Variants in NOTCH1 observed in about 807,000 individuals in gnomAD.
NOTCH1 encodes neurogenic locus notch homolog protein 1.
A neutral mutation model predicts 254.8 loss-of-function variants in NOTCH1; 37 were observed. The ratio of observed to expected loss-of-function variants is 0.15; its 90% CI spans 0.11 to 0.19. The LOEUF (loss-of-function observed/expected upper bound fraction) is 0.19. Among genes scored for constraint, NOTCH1 ranks in the 10% least tolerant of loss-of-function variants. The probability of loss-of-function intolerance (pLI) is 1.00; values close to 1 mark genes in which losing one functional copy is unlikely to be tolerated. For missense variants in NOTCH1, 2,972 were observed against 3,708.6 expected, an observed-to-expected ratio of 0.80 and a Z score of 5.16; for synonymous variants, 1,731 against 1,618.1, an observed-to-expected ratio of 1.07 and a Z score of -1.68.
intron 4 of NOTCH1, among the ~76,000 whole-genome samples, chr9:136,522,366 A>G (rs1302394806): frequency 4.6e-5 from 7 of 152,168 alleles, no homozygotes; most frequent in Non-Finnish European, 1.0e-4. Context: ...GCTCCTACGT[A>G]CAACACGGGG....
intron 2 of NOTCH1, among the ~76,000 whole-genome samples, chr9:136,530,315 C>T (rs1455931674): frequency 2.6e-5 from 4 of 152,252 alleles, no homozygotes; most frequent in African/African-American, 9.6e-5. Flanking sequence ...GCAGGAAGGC[C>T]AGGTTTCCTC....
intron 2 of NOTCH1, among the ~76,000 whole-genome samples, chr9:136,527,930 T>C (rs1843494022): frequency 6.6e-6 from 1 of 152,108 alleles, no homozygotes; most frequent in Non-Finnish European, 1.5e-5. Context: ...GTATTTCCAC[T>C]GTGCCACTCC....
At chr9:136,516,795 A>G (rs1055413705) in intron 9 of NOTCH1, among the ~76,000 whole-genome samples, 3 of 152,130 alleles carry the variant, frequency 2.0e-5, no homozygotes, top group African/African-American at 7.2e-5. Flanking sequence ...CCCCTGGGCA[A>G]GCTCCCACTC....
In NOTCH1 at chr9:136,524,070, G is replaced by A. The variant is rs566495577; in HGVS notation, c.141-91C>T. 2.0e-5 allele frequency: 30 copies of A among 1,490,086 alleles called. No individual in the cohort carries two copies. In the East Asian group the frequency reaches 4.7e-4, roughly 23 times the overall value. The allele number at this position is 1,490,086 out of a possible 1,614,324, so 92.3% of individuals were successfully genotyped here. On this transcript the variant is annotated intron_variant, in intron 2 of 33. Coordinates refer to ENST00000651671, the MANE Select transcript of NOTCH1 (RefSeq NM_017617.5). Reference sequence around the variant, plus strand: ...CCGGGAACCTGTCATGGGCACAGCCGCCTCCCCCCACACCCCGGGCACGGG... The same window carrying A: ...CCGGGAACCTGTCATGGGCACAGCCACCTCCCCCCACACCCCGGGCACGGG...
chr9:136,542,544 CA>C (rs1174860714), intron 2 of NOTCH1, among the ~76,000 whole-genome samples: 1,767 of 52,528 alleles, frequency 0.034, 16 homozygotes, highest in South Asian at 0.045. Flanking sequence ...CCCCAAAAAG[CA>C]AAAAAAAAAA....
rs587777960 is a variant in NOTCH1, at chr9:136,503,074, G to A, written c.5167+108C>T. 1.9e-5 allele frequency: 29 copies of A among 1,506,882 alleles called. No homozygotes were observed. The highest frequency in any genetic ancestry group is 3.4e-5 in the South Asian group (3 of 88,408). 93.3% of individuals were successfully genotyped at this position (1,506,882 alleles called of 1,614,324 possible). A position where few individuals can be genotyped will look rare whatever the true frequency, so the allele number is the denominator to read the frequency against. ...GCCCTACCCCAACTCGGACGGCAAC[G>A]CTCACACCCGTGGGTAGCAACTGGC... is the stretch of plus-strand genomic sequence containing the variant. On this transcript the variant is annotated intron_variant, in intron 27 of 33. Transcript: ENST00000651671.
chr9:136,526,697 G>C (rs904454954), intron 2 of NOTCH1, among the ~76,000 whole-genome samples: 3 of 152,216 alleles, frequency 2.0e-5, no homozygotes, highest in Admixed American at 2.0e-4. Context: ...CCCTGAGCGC[G>C]GACCCCAACG....
At chr9:136,541,530 C>T (rs1347729743) in intron 2 of NOTCH1, among the ~76,000 whole-genome samples, 1 of 152,216 alleles carries the variant, frequency 6.6e-6, no homozygotes, top group East Asian at 1.9e-4. Flanking sequence ...CAGACTCTTT[C>T]GAGAAACAGT....
In NOTCH1 at chr9:136,505,360, G is replaced by A. The variant is rs61751540; in HGVS notation, c.4536C>T (p.Ala1512=). ...DGHCDSQCNS[A]GCLFDGFDCQ... Reference sequence around the variant, plus strand: ...AGTCAAAGCCGTCGAAGAGGCAGCCGGCTGAGTTGCACTGGCTGTCACAGT... The same window carrying A: ...AGTCAAAGCCGTCGAAGAGGCAGCCAGCTGAGTTGCACTGGCTGTCACAGT... Residue 1512 remains alanine (A), a synonymous_variant, in exon 25 of 34, where the codon GCC becomes GCT. Coordinates refer to ENST00000651671, the MANE Select transcript of NOTCH1 (RefSeq NM_017617.5). 2,247 of 1,607,850 alleles carry A rather than the reference G, an allele frequency of 1.4e-3. 10 individuals carry two copies. The highest frequency in any genetic ancestry group is 9.4e-3 in the African/African-American group (704 of 74,980).
intron 4 of NOTCH1, 186 bp downstream of exon 4, chr9:136,522,664 C>A (rs778870697): frequency 3.3e-6 from 2 of 613,774 alleles, no homozygotes; most frequent in East Asian, 2.9e-5. Context: ...CTCCTCCCAG[C>A]GCACACCCCG....
chr9:136,513,555 C>T lies in NOTCH1; in HGVS notation c.2208-18G>A. On this transcript the variant is annotated intron_variant, in intron 13 of 33. Transcript: ENST00000651671. This position sits in a 1 kb window ranked among gnomAD's most constrained non-coding sequence, Gnocchi z 4.7. ...ACTTGTACCTGCAAGGGGGACCACA[C>T]TGCAGGTCGAGGGAGGCCCGAGCAG... 1 of 1,612,700 alleles carries T rather than the reference C, an allele frequency of 6.2e-7. No individual in the cohort carries two copies. Among genetic ancestry groups the T allele is most frequent in the South Asian group, 1.1e-5 (1 of 91,078 alleles).
At position 136,502,053 on chromosome 9, in the gene NOTCH1, T is replaced by A; in HGVS notation, c.5420A>T (p.Asp1807Val). The A allele has an allele frequency of 6.2e-7, 1 of 1,613,228 alleles. No individual in the cohort carries two copies. Among genetic ancestry groups the A allele is most frequent in the South Asian group, 1.1e-5 (1 of 91,080 alleles). The change falls in exon 29 of 34, where the codon GAC (aspartate) becomes GTC (valine). Residue 1807 changes from aspartate (D) to valine (V), a missense_variant. Asp to Val is a radical substitution (Grantham distance 152). Transcript: ENST00000651671. ...GTCCCCCCACTCATTCTGGTTGTCG[T>A]CCATGAGGGCACCGTCTGAAGCGTT... ...LKNASDGALM[D>V]DNQNEWGDED...
At chr9:136,543,387 G>T in intron 2 of NOTCH1, 1 of 243,634 alleles carries the variant, frequency 4.1e-6, no homozygotes, top group Non-Finnish European at 8.2e-6. Context: ...GGCATCACCC[G>T]TGCCCAGAGG....
rs587778562 is a variant in NOTCH1, at chr9:136,511,266, T to C, written c.2473A>G (p.Thr825Ala). The change falls in exon 16 of 34, where the codon ACG (threonine) becomes GCG (alanine). Residue 825 changes from threonine (T) to alanine (A), a missense_variant. Transcript: ENST00000651671. ...CNCLLPYTGA[T>A]CEVVLAPCAP... ...CACGGGGCCAGCACCACCTCACACG[T>C]GGCACCTGCGGGAAGGAGACACACG... The C allele has an allele frequency of 6.2e-7, 1 of 1,611,318 alleles. No individual in the cohort carries two copies. Among genetic ancestry groups the C allele is most frequent in the East Asian group, 2.2e-5 (1 of 44,844 alleles).
intron 2 of NOTCH1, among the ~76,000 whole-genome samples, chr9:136,524,791 C>T (rs1030632859): frequency 6.6e-6 from 1 of 152,054 alleles, no homozygotes; most frequent in African/African-American, 2.4e-5. Context: ...GCACCTGACA[C>T]CATGCCCAGC....
rs1348135264 is a variant in NOTCH1 at position 136,517,956 on chromosome 9, TGA to T, written c.1256-21_1256-20del. 1 of 1,605,910 alleles carries T rather than the reference TGA, an allele frequency of 6.2e-7. No individual in the cohort carries two copies. Among genetic ancestry groups the T allele is most frequent in the South Asian group, 1.1e-5 (1 of 91,010 alleles). ...TTGGCACCTGGCGAGGGCACACGGG[TGA>T]GAGGCTGCTCCAGGCACCCTGGCCC... On this transcript the variant is annotated intron_variant, in intron 7 of 33. Transcript: ENST00000651671.
rs886039016 is a variant in NOTCH1 at position 136,517,819 on chromosome 9, C to T, written c.1374G>A (p.Ser458=). 3.1e-6 allele frequency: 5 copies of T among 1,612,706 alleles called. No homozygotes were observed. The highest frequency in any genetic ancestry group is 3.4e-6 in the Non-Finnish European group (4 of 1,179,946). ...RCEIDVNECV[S]NPCQNDATCL... ...AGGTGGCGTCGTTCTGGCACGGGTTCGAGACGCACTCGTTGACGTCGATCT... is the reference window on the plus strand; with the variant it reads ...AGGTGGCGTCGTTCTGGCACGGGTTTGAGACGCACTCGTTGACGTCGATCT... Residue 458 remains serine, a synonymous_variant, in exon 8 of 34, where the codon TCG becomes TCA. Coordinates refer to ENST00000651671, the MANE Select transcript of NOTCH1 (RefSeq NM_017617.5).
chr9:136,516,142 G>A (rs2133365687), intron 9 of NOTCH1, 48 bp from the exon 10 acceptor site: 2 of 1,375,758 alleles, frequency 1.5e-6, no homozygotes, highest in South Asian at 2.3e-5. Context: ...ACAGCACTAT[G>A]GCCCTTCAGG....
chr9:136,543,962 G>A (rs2133406044), intron 2 of NOTCH1, 62 bp downstream of exon 2: 2 of 1,445,434 alleles, frequency 1.4e-6, no homozygotes, highest in Middle Eastern at 2.0e-4. Flanking sequence ...CCCCTGCGCG[G>A]CTGCAGAAGG....
Sources: gnomAD v4.1 joint callset for allele counts (sites outside exome capture counted in the v4.1 genomes callset) on GRCh38, gnomAD v4.1.1 for gene constraint, Gnocchi (gnomAD v3.1) non-coding constraint, MANE v1.5 for transcripts, NCBI Gene and HGNC (gene_info 2026-07-23, HGNC 2026-07-21) for gene names.